The following MACROD2 variants were observed in gnomAD, a reference collection of about 807,000 sequenced individuals.
MACROD2 encodes the protein mono-ADP ribosylhydrolase 2.
Under a neutral mutation model 70.4 loss-of-function variants are expected in MACROD2, and 36 were observed. That is an observed-to-expected ratio of 0.51 (90% CI 0.39 to 0.68). The LOEUF is 0.68. Among genes scored for constraint, MACROD2 ranks in the 30% least tolerant of loss-of-function variants. The pLI, the probability that MACROD2 is intolerant of heterozygous loss-of-function variation, is 0.00. For synonymous variants in MACROD2, 172 were observed against 178.8 expected, an observed-to-expected ratio of 0.96 and a Z score of 0.30; for missense variants, 496 against 538.4, an observed-to-expected ratio of 0.92 and a Z score of 0.78.
intron 3 of MACROD2, among the ~76,000 whole-genome samples, chr20:14,150,204 G>C (rs1031229971): frequency 6.6e-6 from 1 of 151,964 alleles, no homozygotes; most frequent in African/African-American, 2.4e-5. Flanking sequence ...TATGCTCAAA[G>C]AAGTTAAAAA....
intron 4 of MACROD2, among the ~76,000 whole-genome samples, chr20:14,589,438 CT>C (rs1461103328): frequency 6.6e-6 from 1 of 151,992 alleles, no homozygotes; most frequent in African/African-American, 2.4e-5. Context: ...TCATTTTATG[CT>C]TTTTACATTG....
intron 3 of MACROD2, among the ~76,000 whole-genome samples, chr20:14,240,409 T>C (rs1421360220): frequency 6.6e-6 from 1 of 152,164 alleles, no homozygotes; most frequent in African/African-American, 2.4e-5. Flanking sequence ...TTCAGTACTC[T>C]CCATAATTGC....
At chr20:15,487,701 GGAAA>G (rs1340286634) in intron 7 of MACROD2, among the ~76,000 whole-genome samples, 2 of 152,182 alleles carry the variant, frequency 1.3e-5, no homozygotes, top group African/African-American at 4.8e-5. Context: ...AACATGAAAA[GGAAA>G]GATTCTCCAT....
At chr20:15,853,767 G>A (rs1005157687) in intron 8 of MACROD2, among the ~76,000 whole-genome samples, 2 of 152,128 alleles carry the variant, frequency 1.3e-5, no homozygotes. Context: ...CTTGATTTTA[G>A]CCTGTAACAC....
intron 2 of MACROD2, among the ~76,000 whole-genome samples, chr20:14,013,674 C>CTTT (rs34386274): frequency 0.039 from 2,737 of 71,086 alleles, 35 homozygotes; most frequent in East Asian, 0.047. Flanking sequence ...TTATATTAAG[C>CTTT]TTTTTTTTTT....
At chr20:14,085,838 A>G in intron 3 of MACROD2, 110 bp downstream of exon 3, 1 of 566,042 alleles carries the variant, frequency 1.8e-6, no homozygotes, top group African/African-American at 1.9e-5. Context: ...TGACGTAGAA[A>G]TGTCTATTCT....
intron 5 of MACROD2, among the ~76,000 whole-genome samples, chr20:15,154,349 A>G (rs925522877): frequency 5.9e-5 from 9 of 152,292 alleles, no homozygotes; most frequent in Admixed American, 5.9e-4. Context: ...AAATAGCCTG[A>G]CTGGAGAGAA....
intron 3 of MACROD2, among the ~76,000 whole-genome samples, chr20:14,407,908 C>G (rs529873805): frequency 6.6e-6 from 1 of 152,224 alleles, no homozygotes; most frequent in African/African-American, 2.4e-5. Flanking sequence ...CCCAGAAGTG[C>G]CTGTCCCATT....
intron 5 of MACROD2, among the ~76,000 whole-genome samples, chr20:15,006,961 C>T (rs118174673): frequency 6.6e-6 from 1 of 151,908 alleles, no homozygotes; most frequent in Non-Finnish European, 1.5e-5. Context: ...TAAAAATGAA[C>T]ATAAAGTCTA....
intron 15 of MACROD2, among the ~76,000 whole-genome samples, chr20:15,998,202 T>C (rs2066658340): frequency 1.3e-5 from 2 of 152,230 alleles, no homozygotes; most frequent in Non-Finnish European, 2.9e-5. Context: ...AAAATGAATT[T>C]GGAAATGTTC....
chr20:14,652,904 A>C (rs532736803), intron 4 of MACROD2, among the ~76,000 whole-genome samples: 1 of 152,254 alleles, frequency 6.6e-6, no homozygotes, highest in East Asian at 1.9e-4. Context: ...AATGCACTCT[A>C]TGTTCATTTC....
intron 5 of MACROD2, among the ~76,000 whole-genome samples, chr20:15,150,444 T>G (rs2076261036): frequency 2.6e-5 from 4 of 152,052 alleles, no homozygotes; most frequent in Admixed American, 2.0e-4. Flanking sequence ...TCTGTAAGAC[T>G]TGTCCGGTTT....
chr20:14,242,140 G>A (rs1260660386), intron 3 of MACROD2, among the ~76,000 whole-genome samples: 1 of 152,146 alleles, frequency 6.6e-6, no homozygotes, highest in Non-Finnish European at 1.5e-5. Context: ...AAAATAACAT[G>A]TAGTCCTGCA....
At chr20:15,939,649 C>A (rs1230074836) in intron 12 of MACROD2, among the ~76,000 whole-genome samples, 4 of 151,526 alleles carry the variant, frequency 2.6e-5, no homozygotes, top group Non-Finnish European at 5.9e-5. Flanking sequence ...GCCAATGTAT[C>A]AGGGAGTAAT....
chr20:14,140,417 A>G (rs78306425), intron 3 of MACROD2, among the ~76,000 whole-genome samples: 110 of 152,328 alleles, frequency 7.2e-4, no homozygotes, highest in African/African-American at 2.5e-3. Context: ...AGTTGTAAGA[A>G]GGTTCCCAAA....
At chr20:15,522,832 A>G (rs1386643784) in intron 8 of MACROD2, among the ~76,000 whole-genome samples, 1 of 152,194 alleles carries the variant, frequency 6.6e-6, no homozygotes, top group Non-Finnish European at 1.5e-5. Flanking sequence ...TGGTAGATAT[A>G]CGTAAGCCTG....
At chr20:14,900,647 T>C (rs2073884413) in intron 5 of MACROD2, among the ~76,000 whole-genome samples, 1 of 152,000 alleles carries the variant, frequency 6.6e-6, no homozygotes, top group African/African-American at 2.4e-5. Flanking sequence ...GCGAGGTCAG[T>C]AGTAATGTCC....
chr20:16,025,591 T>C (rs1343631506), intron 15 of MACROD2, among the ~76,000 whole-genome samples: 1 of 149,252 alleles, frequency 6.7e-6, no homozygotes, highest in South Asian at 2.1e-4. Flanking sequence ...TGCTTTGATA[T>C]GAATTCAGGA....
intron 4 of MACROD2, among the ~76,000 whole-genome samples, chr20:14,609,600 C>A (rs1600451309): frequency 6.6e-6 from 1 of 152,060 alleles, no homozygotes; most frequent in Admixed American, 6.6e-5. Flanking sequence ...TCCATTGCAA[C>A]CTAATTTTTG....
Sources: allele counts gnomAD v4.1 joint callset (sites outside exome capture counted in the v4.1 genomes callset), GRCh38; gene constraint gnomAD v4.1.1; transcripts MANE v1.5; gene names NCBI Gene and HGNC (gene_info 2026-07-23, HGNC 2026-07-21).